EXOC6: variants seen among roughly 807,000 people sequenced by gnomAD.
The protein encoded by EXOC6 is SEC15-like 1.
A neutral mutation model predicts 112.5 loss-of-function variants in EXOC6; 60 were observed. The ratio of observed to expected loss-of-function variants is 0.53; its 90% CI spans 0.43 to 0.66. EXOC6 has a LOEUF of 0.66. Among genes scored for constraint, EXOC6 ranks in the 30% least tolerant of loss-of-function variants. EXOC6 has a pLI of 0.00. For missense variants in EXOC6, 855 were observed against 957.1 expected, an observed-to-expected ratio of 0.89 and a Z score of 1.41; for synonymous variants, 295 against 308.0, an observed-to-expected ratio of 0.96 and a Z score of 0.44.
At chr10:92,920,949 C>A (rs770815862) in intron 8 of EXOC6, among the ~76,000 whole-genome samples, 7 of 152,314 alleles carry the variant, frequency 4.6e-5, no homozygotes, top group Non-Finnish European at 1.0e-4. Context: ...TTTTCCCCAT[C>A]CTTTTACTTT....
intron 5 of EXOC6, among the ~76,000 whole-genome samples, chr10:92,907,373 ACT>A (rs981542449): frequency 2.5e-4 from 38 of 151,946 alleles, no homozygotes; most frequent in Middle Eastern, 3.4e-3. Flanking sequence ...CCTGACCTTA[ACT>A]CTCTACATTT....
intron 20 of EXOC6, among the ~76,000 whole-genome samples, chr10:93,019,222 C>T (rs774774365): frequency 6.6e-6 from 1 of 152,222 alleles, no homozygotes; most frequent in Non-Finnish European, 1.5e-5. Context: ...TCAAGCAATC[C>T]ACCCGCCTCG....
At chr10:92,896,955 T>C (rs1434198354) in intron 4 of EXOC6, among the ~76,000 whole-genome samples, 1 of 152,128 alleles carries the variant, frequency 6.6e-6, no homozygotes, top group Non-Finnish European at 1.5e-5. Context: ...ACGTAAAAAC[T>C]TTGAGTAAAT....
At chr10:93,037,718 G>T (rs553895373) in intron 20 of EXOC6, among the ~76,000 whole-genome samples, 2 of 151,474 alleles carry the variant, frequency 1.3e-5, no homozygotes, top group South Asian at 4.2e-4. Flanking sequence ...GGGATTACAG[G>T]TGTGAGCCAC....
intron 18 of EXOC6, among the ~76,000 whole-genome samples, chr10:92,996,130 G>A (rs1329344779): frequency 6.6e-6 from 1 of 152,038 alleles, no homozygotes; most frequent in Non-Finnish European, 1.5e-5. Flanking sequence ...ATATGACTGG[G>A]TAAATATTTG....
chr10:93,035,993 G>A (rs1845497547), intron 20 of EXOC6, among the ~76,000 whole-genome samples: 1 of 152,124 alleles, frequency 6.6e-6, no homozygotes, highest in African/African-American at 2.4e-5. Flanking sequence ...GGCCGAGGCG[G>A]GCAGATCACC....
At chr10:92,936,031 C>G (rs568114139) in intron 12 of EXOC6, 146 bp downstream of exon 12, 8 of 576,770 alleles carry the variant, frequency 1.4e-5, no homozygotes, top group East Asian at 3.1e-5. Flanking sequence ...TCTGCTATTA[C>G]CCAGGACTAT....
chr10:92,864,955 C>A (rs373763472), intron 1 of EXOC6, among the ~76,000 whole-genome samples: 5 of 152,128 alleles, frequency 3.3e-5, no homozygotes, highest in African/African-American at 9.6e-5. Flanking sequence ...TAGTTTTGTT[C>A]CTTTGGAGAA....
At chr10:93,005,155 A>G (rs1266217501) in intron 19 of EXOC6, among the ~76,000 whole-genome samples, 1 of 152,208 alleles carries the variant, frequency 6.6e-6, no homozygotes, top group Non-Finnish European at 1.5e-5. Context: ...AAACTTTGTA[A>G]AAGTATATGG....
At chr10:92,931,720 A>G (rs1644653483) in intron 9 of EXOC6, among the ~76,000 whole-genome samples, 1 of 152,128 alleles carries the variant, frequency 6.6e-6, no homozygotes, top group South Asian at 2.1e-4. Flanking sequence ...GGGAAATGCA[A>G]ATTAAAACCA....
At chr10:93,017,814 G>T (rs575885856) in intron 20 of EXOC6, among the ~76,000 whole-genome samples, 1 of 151,486 alleles carries the variant, frequency 6.6e-6, no homozygotes, top group Non-Finnish European at 1.5e-5. Context: ...GGTCGAGACC[G>T]TCCTGGCTAA....
chr10:92,953,683 A>G (rs1444086430), intron 15 of EXOC6, among the ~76,000 whole-genome samples: 1 of 152,220 alleles, frequency 6.6e-6, no homozygotes, highest in Non-Finnish European at 1.5e-5. Flanking sequence ...AGACAGTTTA[A>G]CTGTTGTGAT....
intron 17 of EXOC6, among the ~76,000 whole-genome samples, chr10:92,966,284 T>A (rs867226580): frequency 1.8e-4 from 25 of 142,636 alleles, no homozygotes; most frequent in Middle Eastern, 3.6e-3. Context: ...TAATTATAAT[T>A]ATTATTATTA....
upstream of EXOC6, among the ~76,000 whole-genome samples, chr10:92,846,112 C>G (rs1464999082): frequency 1.3e-5 from 2 of 152,212 alleles, no homozygotes; most frequent in African/African-American, 2.4e-5. Context: ...TCCATGTTCA[C>G]TTGAATTTCG....
At chr10:92,884,534 A>G (rs1849119470) in intron 1 of EXOC6, among the ~76,000 whole-genome samples, 2 of 152,188 alleles carry the variant, frequency 1.3e-5, no homozygotes, top group South Asian at 4.1e-4. Context: ...TGAACAAAGC[A>G]TTCTGGGACA....
At chr10:93,007,776 GTCT>G (rs1844063064) in intron 19 of EXOC6, among the ~76,000 whole-genome samples, 1 of 152,180 alleles carries the variant, frequency 6.6e-6, no homozygotes, top group Admixed American at 6.5e-5. Flanking sequence ...ATTCAAACTA[GTCT>G]TCTTCCAAGT....
At chr10:92,860,239 G>T (rs1847841614) in intron 1 of EXOC6, among the ~76,000 whole-genome samples, 1 of 146,088 alleles carries the variant, frequency 6.8e-6, no homozygotes. Flanking sequence ...ACATTGTTCT[G>T]CCACCATTAT....
chr10:92,833,301 C>T (rs1298027111), upstream of EXOC6, among the ~76,000 whole-genome samples: 1 of 152,192 alleles, frequency 6.6e-6, no homozygotes, highest in Admixed American at 6.5e-5. Flanking sequence ...ATACTTTCCC[C>T]TGAAGGTCTG....
intron 1 of EXOC6, among the ~76,000 whole-genome samples, chr10:92,843,390 A>G (rs112713544): frequency 0.01 from 1,531 of 152,382 alleles, 29 homozygotes; most frequent in African/African-American, 0.035. Flanking sequence ...GCCAATGTAT[A>G]AAGACTGCCT....
Sources: gnomAD v4.1 joint callset for allele counts (sites outside exome capture counted in the v4.1 genomes callset) on GRCh38, gnomAD v4.1.1 for gene constraint, MANE v1.5 for transcripts, NCBI Gene and HGNC (gene_info 2026-07-23, HGNC 2026-07-21) for gene names.